SDK1: variants seen among roughly 807,000 people sequenced by gnomAD.
SDK1 encodes the protein sidekick cell adhesion molecule 1.
A neutral mutation model predicts 245.5 loss-of-function variants in SDK1; 157 were observed. The observed-to-expected ratio is 0.64, with a 90% CI of 0.56 to 0.73. SDK1 has a LOEUF of 0.73. SDK1 is among the 30% of genes least tolerant of loss of function. The pLI is 0.00. For synonymous variants in SDK1, 1,647 were observed against 1,278.5 expected (o/e 1.29, Z -6.15); for missense variants, 3,583 against 3,002.3 (o/e 1.19, Z -4.52).
intron 5 of SDK1, among the ~76,000 whole-genome samples, chr7:3,886,551 C>T (rs1241810654): frequency 6.6e-6 from 1 of 152,200 alleles, no homozygotes; most frequent in African/African-American, 2.4e-5. Flanking sequence ...GTTGAGTTCA[C>T]CAGTTGTTCA....
chr7:3,684,389 C>G (rs1784210187), intron 4 of SDK1, among the ~76,000 whole-genome samples: 1 of 152,210 alleles, frequency 6.6e-6, no homozygotes, highest in East Asian at 1.9e-4. Flanking sequence ...AAGCTCACCC[C>G]TCACTGAGAA....
intron 1 of SDK1, among the ~76,000 whole-genome samples, chr7:3,328,292 A>G (rs1212063560): frequency 6.6e-6 from 1 of 152,174 alleles, no homozygotes; most frequent in African/African-American, 2.4e-5. Context: ...ATGAAGTAAT[A>G]TATCATAAAA....
intron 2 of SDK1, among the ~76,000 whole-genome samples, chr7:3,632,819 C>G (rs191787375): frequency 2.6e-5 from 4 of 152,278 alleles, no homozygotes; most frequent in East Asian, 1.9e-4. Flanking sequence ...TCTCTCTTAA[C>G]AAATTTCAGT....
chr7:3,953,146 C>T (rs1357402352), intron 7 of SDK1, among the ~76,000 whole-genome samples: 3 of 147,144 alleles, frequency 2.0e-5, no homozygotes, highest in Non-Finnish European at 4.5e-5. Context: ...AAAAAATTTG[C>T]AGTCTGCCAC....
At position 3,877,899 on chromosome 7, in the gene SDK1, C is replaced by T. The variant is rs9655342; in HGVS notation, c.847+56316C>T. 8.1e-3 allele frequency among the ~76,000 whole-genome samples: 1,240 copies of T among 152,336 alleles called. 22 individuals carry two copies. The highest frequency in any genetic ancestry group is 0.028 in the African/African-American group (1,170 of 41,580). On this transcript the variant is annotated intron_variant, in intron 5 of 44. Coordinates refer to ENST00000404826, the MANE Select transcript of SDK1 (RefSeq NM_152744.4). ...AATTTAGGTTACTTGCAGTGAACTGCAGTGAACTGCCTTACACATAAGTCT... is the reference window on the plus strand; with the variant it reads ...AATTTAGGTTACTTGCAGTGAACTGTAGTGAACTGCCTTACACATAAGTCT...
chr7:3,353,805 A>C (rs1026342677), intron 1 of SDK1, among the ~76,000 whole-genome samples: 1 of 141,998 alleles, frequency 7.0e-6, no homozygotes, highest in Admixed American at 7.1e-5. Flanking sequence ...CTAGAAGATC[A>C]CTAGAAAAAG....
At chr7:3,590,598 A>C (rs993435440) in intron 1 of SDK1, among the ~76,000 whole-genome samples, 3 of 152,070 alleles carry the variant, frequency 2.0e-5, no homozygotes, top group Non-Finnish European at 4.4e-5. Flanking sequence ...AAGTCTAAAG[A>C]TATTTTGGGG....
At chr7:4,089,076 C>T (rs1172831051) in intron 22 of SDK1, among the ~76,000 whole-genome samples, 1 of 140,762 alleles carries the variant, frequency 7.1e-6, no homozygotes, top group Non-Finnish European at 1.5e-5. Context: ...AGGTGAGACC[C>T]TCCCTCAGGC....
chr7:3,319,952 C>T lies in SDK1; in HGVS notation c.298+18068C>T, dbSNP rs552134295. On this transcript the variant is annotated intron_variant, in intron 1 of 44. Coordinates refer to ENST00000404826, the MANE Select transcript of SDK1 (RefSeq NM_152744.4). Reference sequence around the variant, plus strand: ...AAGGGAGGGCAGCTTGATCATGGACCAGGGCTTTCTGAGAATGCGAAAAAA... The same window carrying T: ...AAGGGAGGGCAGCTTGATCATGGACTAGGGCTTTCTGAGAATGCGAAAAAA... Among the ~76,000 whole-genome samples the T allele has an allele frequency of 2.6e-4, 36 of 140,240 alleles. No individual in the cohort carries two copies. In the South Asian group the frequency reaches 7.3e-3, roughly 28 times the overall value. The allele number at this position is 140,240 out of a possible 152,430, so 92.0% of individuals were successfully genotyped here.
chr7:3,990,668 C>G (rs560026407), intron 14 of SDK1, among the ~76,000 whole-genome samples: 1 of 152,308 alleles, frequency 6.6e-6, no homozygotes, highest in Non-Finnish European at 1.5e-5. Context: ...ACTGTGTCTC[C>G]TTTGTCTTCG....
intron 22 of SDK1, among the ~76,000 whole-genome samples, chr7:4,083,468 C>A (rs562323819): frequency 1.3e-5 from 2 of 151,378 alleles, no homozygotes; most frequent in Non-Finnish European, 2.9e-5. Context: ...TCCTCTACCC[C>A]GTTTGCCCTG....
At chr7:3,396,879 A>T (rs936949752) in intron 1 of SDK1, among the ~76,000 whole-genome samples, 1 of 151,560 alleles carries the variant, frequency 6.6e-6, no homozygotes, top group Non-Finnish European at 1.5e-5. Context: ...TTAAGATTTA[A>T]GTATACCTTT....
intron 4 of SDK1, among the ~76,000 whole-genome samples, chr7:3,809,320 C>G (rs754063675): frequency 5.3e-5 from 8 of 152,144 alleles, no homozygotes; most frequent in Non-Finnish European, 1.0e-4. Flanking sequence ...AATCCACCCT[C>G]AAGACTCTGA....
chr7:3,826,487 C>G (rs542035286), intron 5 of SDK1, among the ~76,000 whole-genome samples: 1 of 152,142 alleles, frequency 6.6e-6, no homozygotes, highest in South Asian at 2.1e-4. Context: ...TTCCTGCTGC[C>G]GTTTGTTGCC....
intron 1 of SDK1, among the ~76,000 whole-genome samples, chr7:3,444,229 C>A (rs544379169): frequency 6.6e-6 from 1 of 152,238 alleles, no homozygotes; most frequent in Admixed American, 6.5e-5. Context: ...TTTGGGTGGT[C>A]TCCCTGGCAG....
intron 4 of SDK1, among the ~76,000 whole-genome samples, chr7:3,748,751 C>CA (rs747231968): frequency 1.3e-5 from 2 of 152,080 alleles, no homozygotes; most frequent in Non-Finnish European, 2.9e-5. Context: ...TGACTGGGAA[C>CA]AAAAAACAAA....
intron 4 of SDK1, among the ~76,000 whole-genome samples, chr7:3,676,850 C>G (rs902835997): frequency 2.0e-5 from 3 of 152,142 alleles, no homozygotes; most frequent in Admixed American, 6.5e-5. Flanking sequence ...TTTCTGGGTT[C>G]TGCTCCATTG....
intron 7 of SDK1, among the ~76,000 whole-genome samples, chr7:3,952,648 C>G (rs755159497): frequency 2.0e-5 from 3 of 151,332 alleles, no homozygotes; most frequent in Non-Finnish European, 2.9e-5. Context: ...ATTTTTTGAC[C>G]TAGCAGAAAA....
At chr7:4,005,277 C>T (rs1413296797) in intron 14 of SDK1, among the ~76,000 whole-genome samples, 3 of 151,728 alleles carry the variant, frequency 2.0e-5, no homozygotes, top group African/African-American at 4.8e-5. Flanking sequence ...GATCTCTTGA[C>T]GTCGTGATCC....
Sources: gnomAD v4.1 joint callset for allele counts (sites outside exome capture counted in the v4.1 genomes callset) on GRCh38, gnomAD v4.1.1 for gene constraint, MANE v1.5 for transcripts, NCBI Gene and HGNC (gene_info 2026-07-23, HGNC 2026-07-21) for gene names.